Variants in CEP83 observed in about 807,000 individuals in gnomAD.
CEP83 encodes centrosomal protein 83, also known as centrosomal protein of 83 kDa.
In CEP83, 70 loss-of-function variants were observed where a neutral mutation model predicts 101.9. The ratio of observed to expected loss-of-function variants is 0.69; its 90% CI spans 0.57 to 0.84. The LOEUF (loss-of-function observed/expected upper bound fraction) is 0.84. Among genes scored for constraint, CEP83 ranks in the 40% least tolerant of loss-of-function variants. CEP83 has a pLI of 0.00. For synonymous variants in CEP83, 264 were observed against 267.9 expected, an observed-to-expected ratio of 0.99 and a Z score of 0.14; for missense variants, 715 against 787.2, an observed-to-expected ratio of 0.91 and a Z score of 1.10.
chr12:94,368,364 A>T, intron 9 of CEP83, 163 bp from the exon 10 acceptor site: 1 of 579,748 alleles, frequency 1.7e-6, no homozygotes, highest in Non-Finnish European at 2.9e-6. Context: ...ACACTCTTAA[A>T]ATAAGAATGA....
At chr12:94,360,915 A>C (rs2136927447) in intron 11 of CEP83, among the ~76,000 whole-genome samples, 1 of 152,306 alleles carries the variant, frequency 6.6e-6, no homozygotes, top group African/African-American at 2.4e-5. Context: ...ATACACCCAC[A>C]AATGAAACAG....
chr12:94,282,280 C>T, the CEP83 span: 2 of 1,573,486 alleles, frequency 1.3e-6, no homozygotes, highest in Non-Finnish European at 1.7e-6. Context: ...TAAAAAGGAA[C>T]AAAATGCTCT....
At chr12:94,378,632 A>C in intron 7 of CEP83, among the ~76,000 whole-genome samples, 159 bp downstream of exon 7, 1 of 152,212 alleles carries the variant, frequency 6.6e-6, no homozygotes, top group East Asian at 1.9e-4. Context: ...ATGAATCAAT[A>C]GCTTTCTTCT....
intron 3 of CEP83, 66 bp downstream of exon 3, chr12:94,412,252 A>C (rs2063931918): frequency 7.6e-7 from 1 of 1,307,680 alleles, no homozygotes; most frequent in Non-Finnish European, 1.1e-6. Context: ...TATAGCAAAC[A>C]TTCAGCCAAG....
rs1385547080 is a variant in CEP83, at chr12:94,367,915, A to G, written c.1222T>C (p.Leu408=). The change falls in exon 11 of 17, where the codon TTG becomes CTG. Residue 408 remains leucine, a synonymous_variant. Transcript: ENST00000397809. Reference sequence around the variant, plus strand: ...TCATGTTCCACTTTCATTTTCTCCAAATCTGCTAATCTGTTCTCGAGTTCT... The same window carrying G: ...TCATGTTCCACTTTCATTTTCTCCAGATCTGCTAATCTGTTCTCGAGTTCT... ...KLELENRLAD[L]EKMKVEHDVW... The G allele has an allele frequency of 1.2e-6, 2 of 1,613,646 alleles. No homozygotes were observed. Among genetic ancestry groups the G allele is most frequent in the African/African-American group, 1.3e-5 (1 of 75,020 alleles).
intron 5 of CEP83, among the ~76,000 whole-genome samples, chr12:94,401,912 T>C (rs889178133): frequency 2.0e-5 from 3 of 152,314 alleles, no homozygotes; most frequent in South Asian, 4.1e-4. Context: ...TAAGCCATTA[T>C]AAAAGACGAT....
intron 2 of CEP83, among the ~76,000 whole-genome samples, chr12:94,420,385 T>C (rs2064631044): frequency 6.6e-6 from 1 of 151,000 alleles, no homozygotes; most frequent in Non-Finnish European, 1.5e-5. Context: ...ACAAATCCAA[T>C]GACCATCAAC....
Position 94,362,484 on chromosome 12 carries a change from A to G in CEP83, c.1343+5310T>C, listed in dbSNP as rs184786302. 3.4e-3 allele frequency among the ~76,000 whole-genome samples: 525 copies of G among 152,230 alleles called. 4 individuals are homozygous for G. The highest frequency in any genetic ancestry group is 4.0e-3 in the Non-Finnish European group (270 of 68,000). Reference sequence around the variant, plus strand: ...AAAATAACAGTCAATCAATTAATCAATAAATTAGCCAGGCATGGTGGCACA... The same window carrying G: ...AAAATAACAGTCAATCAATTAATCAGTAAATTAGCCAGGCATGGTGGCACA... On this transcript the variant is annotated intron_variant, in intron 11 of 16. Transcript: ENST00000397809.
At chr12:94,430,794 G>C (rs2065561929) in intron 2 of CEP83, among the ~76,000 whole-genome samples, 4 of 152,114 alleles carry the variant, frequency 2.6e-5, no homozygotes, top group South Asian at 2.1e-4. Flanking sequence ...AGTGCAGAAA[G>C]GTCTTCCACA....
chr12:94,343,181 C>A (rs993884961), intron 11 of CEP83, among the ~76,000 whole-genome samples: 3 of 151,618 alleles, frequency 2.0e-5, no homozygotes, highest in Non-Finnish European at 4.4e-5. Context: ...TTACGTAACA[C>A]AATAACTGAC....
intron 14 of CEP83, among the ~76,000 whole-genome samples, chr12:94,324,500 G>C (rs2058886056): frequency 6.6e-6 from 1 of 151,974 alleles, no homozygotes; most frequent in Non-Finnish European, 1.5e-5. Context: ...TCACTACATT[G>C]TTCATTTGTG....
intron 14 of CEP83, among the ~76,000 whole-genome samples, chr12:94,330,327 G>C (rs934610147): frequency 1.3e-5 from 2 of 151,932 alleles, no homozygotes; most frequent in African/African-American, 2.4e-5. Context: ...CTCTAATCCT[G>C]TTGAAAAGAT....
intron 1 of CEP83, among the ~76,000 whole-genome samples, chr12:94,443,815 C>T (rs1160517674): frequency 6.6e-6 from 1 of 152,144 alleles, no homozygotes; most frequent in Non-Finnish European, 1.5e-5. Flanking sequence ...ATAATGTCTG[C>T]ACTTTTCCCC....
chr12:94,316,438 C>T (rs1970700346), intron 14 of CEP83, among the ~76,000 whole-genome samples: 1 of 125,790 alleles, frequency 7.9e-6, no homozygotes, highest in African/African-American at 2.9e-5. Context: ...CTCTTTATGT[C>T]CATTTCTTTA....
intron 4 of CEP83, among the ~76,000 whole-genome samples, chr12:94,404,269 A>C (rs1252910872): frequency 6.6e-6 from 1 of 152,236 alleles, no homozygotes; most frequent in East Asian, 1.9e-4. Context: ...ATACAGGCTT[A>C]CCAGACAGGT....
At chr12:94,376,718 CACACACACACACACATATAT>C (rs1317677987) in intron 7 of CEP83, among the ~76,000 whole-genome samples, 1 of 122,730 alleles carries the variant, frequency 8.1e-6, no homozygotes, top group Non-Finnish European at 1.8e-5. Flanking sequence ...CACACACACA[CACACACACACACACATATAT>C]ATATATATAT....
chr12:94,403,335 C>G, intron 4 of CEP83, 73 bp from the exon 5 acceptor site: 1 of 711,604 alleles, frequency 1.4e-6, no homozygotes, highest in East Asian at 2.7e-5. Flanking sequence ...CAAAGCCTCT[C>G]TCCTAATTAT....
chr12:94,455,142 A>G (rs1180628735), intron 1 of CEP83, among the ~76,000 whole-genome samples: 2 of 152,238 alleles, frequency 1.3e-5, no homozygotes, highest in Non-Finnish European at 2.9e-5. Context: ...ACACATTATC[A>G]TGCATCTCTA....
the CEP83 span, among the ~76,000 whole-genome samples, chr12:94,287,144 T>C: frequency 6.6e-6 from 1 of 152,356 alleles, no homozygotes; most frequent in African/African-American, 2.4e-5. Flanking sequence ...TTCCATCTGA[T>C]GAACACAGAG....
Sources: allele counts gnomAD v4.1 joint callset (sites outside exome capture counted in the v4.1 genomes callset), GRCh38; gene constraint gnomAD v4.1.1; transcripts MANE v1.5; gene names NCBI Gene and HGNC (gene_info 2026-07-23, HGNC 2026-07-21).